NAV2: variants seen among roughly 807,000 people sequenced by gnomAD.
NAV2 encodes the protein helicase, APC down-regulated 1.
In NAV2, 54 loss-of-function variants were observed where a neutral mutation model predicts 223.2. The observed-to-expected ratio is 0.24, with a 90% CI of 0.19 to 0.30. NAV2 has a LOEUF of 0.30. Among genes scored for constraint, NAV2 ranks in the 10% least tolerant of loss-of-function variants. NAV2 has a pLI of 1.00. For synonymous variants in NAV2, 1,279 were observed against 1,239.3 expected, an observed-to-expected ratio of 1.03 and a Z score of -0.67; for missense variants, 2,806 against 3,147.5, an observed-to-expected ratio of 0.89 and a Z score of 2.60.
chr11:20,054,249 C>T lies in NAV2; in HGVS notation c.4642+9C>T. 5 of 1,605,470 alleles carry T rather than the reference C, an allele frequency of 3.1e-6. No individual in the cohort carries two copies. Among genetic ancestry groups the T allele is most frequent in the Non-Finnish European group, 4.2e-6 (5 of 1,177,220 alleles). On this transcript the variant is annotated intron_variant, in intron 18 of 37. Coordinates refer to ENST00000349880, the MANE Select transcript of NAV2 (RefSeq NM_145117.5). ...CAACTTTTCCCAGCTTGGTGAGTAG[C>T]CACTTGTCATTACCTATGTTGATCA...
intron 1 of NAV2, among the ~76,000 whole-genome samples, chr11:19,577,099 A>T (rs2134975837): frequency 6.6e-6 from 1 of 152,370 alleles, no homozygotes; most frequent in South Asian, 2.1e-4. Context: ...GAATGACCGG[A>T]ATAATGCCAC....
intron 12 of NAV2, among the ~76,000 whole-genome samples, chr11:20,040,670 C>T (rs1401276335): frequency 6.6e-6 from 1 of 152,118 alleles, no homozygotes; most frequent in Non-Finnish European, 1.5e-5. Context: ...ATGTGGATAT[C>T]GAATGACTAC....
intron 22 of NAV2, among the ~76,000 whole-genome samples, chr11:20,072,013 A>G (rs1189134993): frequency 6.6e-6 from 1 of 152,320 alleles, no homozygotes; most frequent in African/African-American, 2.4e-5. Flanking sequence ...GGCTTTGCCC[A>G]TGCCTATGTC....
At chr11:19,902,948 G>C (rs542486622) in intron 6 of NAV2, among the ~76,000 whole-genome samples, 7 of 152,310 alleles carry the variant, frequency 4.6e-5, no homozygotes, top group Admixed American at 6.5e-5. Flanking sequence ...GTGCTGAGGA[G>C]AGAGACCCTG....
At chr11:19,572,319 G>A (rs2045451532) in intron 1 of NAV2, among the ~76,000 whole-genome samples, 1 of 152,156 alleles carries the variant, frequency 6.6e-6, no homozygotes, top group South Asian at 2.1e-4. Context: ...TTCTTATTTG[G>A]CAGACGGGGA....
At position 19,666,380 on chromosome 11, in the gene NAV2, G is replaced by T. The variant is rs570388158; in HGVS notation, c.76-166104G>T. Among the ~76,000 whole-genome samples, 3 of 152,314 alleles carry T rather than the reference G, an allele frequency of 2.0e-5. No homozygotes were observed. In the South Asian group the frequency reaches 6.2e-4, roughly 32 times the overall value. On this transcript the variant is annotated intron_variant, in intron 1 of 37. Transcript: ENST00000360655. The stretch of plus-strand genomic sequence containing the variant: ...TTTGCAGAAACCAATCGTTCCTCCT[G>T]TCATCACAGTCCCTACCCAGCCAGG...
chr11:20,103,715 A>G lies in NAV2; in HGVS notation c.6635A>G (p.His2212Arg), dbSNP rs2061812999. Residue 2212 changes from histidine (H) to arginine (R), a missense_variant, in exon 34 of 38, where the codon CAT becomes CGT. By Grantham distance (29) the His-to-Arg change is conservative. Around this residue, in one of 4 missense-constraint regions of NAV2, gnomAD observed 824 missense variants for 1,069.4 expected, o/e 0.77. Coordinates refer to ENST00000349880, the MANE Select transcript of NAV2 (RefSeq NM_145117.5). ...TSSTPNLQLH[H>R]NFRWVLCANH... ...TCGACTCCCAACCTGCAGCTTCACC[A>G]TAACTTCAGGTCAGTTTTCCCTTCC... 6 of 1,613,996 alleles carry G rather than the reference A, an allele frequency of 3.7e-6. No individual in the cohort carries two copies. Among genetic ancestry groups the G allele is most frequent in the African/African-American group, 2.7e-5 (2 of 74,932 alleles).
At chr11:19,652,155 C>G (rs1349936167) in intron 1 of NAV2, among the ~76,000 whole-genome samples, 1 of 152,122 alleles carries the variant, frequency 6.6e-6, no homozygotes, top group Non-Finnish European at 1.5e-5. Flanking sequence ...TGCCACTTGT[C>G]CCCCTACAAT....
At chr11:19,791,264 T>C (rs1269409946) in intron 1 of NAV2, among the ~76,000 whole-genome samples, 1 of 152,120 alleles carries the variant, frequency 6.6e-6, no homozygotes, top group Admixed American at 6.5e-5. Context: ...AGGTTAACCA[T>C]TACCACCTCA....
At chr11:19,652,596 C>T (rs2048001919) in intron 1 of NAV2, among the ~76,000 whole-genome samples, 1 of 152,202 alleles carries the variant, frequency 6.6e-6, no homozygotes, top group South Asian at 2.1e-4. Flanking sequence ...TCCCAAGTAA[C>T]ACATGCATAA....
At chr11:19,718,030 C>T (rs2050444648) in intron 1 of NAV2, among the ~76,000 whole-genome samples, 1 of 152,048 alleles carries the variant, frequency 6.6e-6, no homozygotes, top group Non-Finnish European at 1.5e-5. Context: ...TCCCATAAAC[C>T]TACAGCTGGT....
chr11:19,466,984 T>TACACACACACACACACACACAC (rs3042688), intron 1 of NAV2, among the ~76,000 whole-genome samples: 8 of 125,200 alleles, frequency 6.4e-5, no homozygotes, highest in Non-Finnish European at 1.2e-4. Context: ...TCTCTCTCTC[T>TACACACACACACACACACACAC]ACACACACAC....
intron 1 of NAV2, among the ~76,000 whole-genome samples, chr11:19,546,264 T>G (rs2044495644): frequency 6.6e-6 from 1 of 152,222 alleles, no homozygotes; most frequent in Non-Finnish European, 1.5e-5. Flanking sequence ...CAGAGGAGAC[T>G]TGAACCCCAG....
In NAV2 at chr11:19,879,961, C is replaced by G; in HGVS notation, c.604C>G (p.Leu202Val). ...QQQQQPQKQHLSSPLPPAVSQ... is the reference protein window; with the variant it reads ...QQQQQPQKQHVSSPLPPAVSQ... The stretch of plus-strand genomic sequence containing the variant: ...GCAGCAGCAGCCCCAGAAGCAGCAC[C>G]TCTCCTCACCTCTGCCGCCCGCCGT... Residue 202 changes from leucine to valine, a missense_variant, in exon 5 of 38, where the codon CTC becomes GTC. By Grantham distance (32) the Leu-to-Val change is conservative. Around this residue, in one of 4 missense-constraint regions of NAV2, gnomAD observed 1,167 missense variants for 1,180.5 expected, o/e 0.99. Transcript: ENST00000349880. The G allele has an allele frequency of 6.2e-7, 1 of 1,613,406 alleles. No homozygotes were observed. Among genetic ancestry groups the G allele is most frequent in the South Asian group, 1.1e-5 (1 of 91,070 alleles).
chr11:19,709,275 G>T (rs143712049), upstream of NAV2, among the ~76,000 whole-genome samples: 560 of 152,248 alleles, frequency 3.7e-3, 5 homozygotes, highest in African/African-American at 0.013. Flanking sequence ...AGGCACGGTG[G>T]CTCACGCCTG....
At chr11:19,685,104 C>T (rs186945061) in intron 1 of NAV2, among the ~76,000 whole-genome samples, 2 of 152,256 alleles carry the variant, frequency 1.3e-5, no homozygotes, top group African/African-American at 2.4e-5. Flanking sequence ...CAGAGGAGGC[C>T]CTACCATGAT....
intron 1 of NAV2, among the ~76,000 whole-genome samples, chr11:19,653,487 T>C (rs2048029575): frequency 6.6e-6 from 1 of 152,192 alleles, no homozygotes; most frequent in Non-Finnish European, 1.5e-5. Context: ...TTGCTAATAC[T>C]ATTCCCATTT....
intron 14 of NAV2, among the ~76,000 whole-genome samples, chr11:20,045,905 T>C (rs2057377967): frequency 6.6e-6 from 1 of 152,228 alleles, no homozygotes; most frequent in Non-Finnish European, 1.5e-5. Context: ...CCATTTTAAT[T>C]AGCTGCCATA....
chr11:19,479,838 C>A (rs1474754715), intron 1 of NAV2, among the ~76,000 whole-genome samples: 1 of 152,192 alleles, frequency 6.6e-6, no homozygotes, highest in Admixed American at 6.5e-5. Flanking sequence ...CTAACCCCTA[C>A]ACTGTGCATG....
Sources: gnomAD v4.1 joint callset for allele counts (sites outside exome capture counted in the v4.1 genomes callset) on GRCh38, gnomAD v4.1.1 for gene constraint, gnomAD v4.1.1 regional missense constraint, MANE v1.5 for transcripts, NCBI Gene and HGNC (gene_info 2026-07-23, HGNC 2026-07-21) for gene names.